TLK1: variants seen among roughly 807,000 people sequenced by gnomAD.
TLK1 encodes the protein tousled like kinase 1, also known as serine/threonine-protein kinase tousled-like 1.
In TLK1, 24 loss-of-function variants were observed where a neutral mutation model predicts 105.3. The observed-to-expected ratio is 0.23, with a 90% CI of 0.17 to 0.32. The LOEUF (loss-of-function observed/expected upper bound fraction) is 0.32. Among genes scored for constraint, TLK1 ranks in the 10% least tolerant of loss-of-function variants. The pLI, the probability that TLK1 is intolerant of heterozygous loss-of-function variation, is 1.00. For synonymous variants in TLK1, 321 were observed against 310.4 expected, an observed-to-expected ratio of 1.03 and a Z score of -0.36; for missense variants, 558 against 910.5, an observed-to-expected ratio of 0.61 and a Z score of 4.98.
At chr2:171,083,033 A>G (rs2105477730) in intron 2 of TLK1, among the ~76,000 whole-genome samples, 181 bp from the exon 3 acceptor site, 1 of 152,322 alleles carries the variant, frequency 6.6e-6, no homozygotes, top group South Asian at 2.1e-4. Flanking sequence ...TTAACACTAT[A>G]TACTTTGAAA....
chr2:171,114,438 G>A (rs572445015), intron 2 of TLK1, among the ~76,000 whole-genome samples: 1 of 152,320 alleles, frequency 6.6e-6, no homozygotes, highest in East Asian at 1.9e-4. Context: ...CCAGACTGTT[G>A]TCAGAGGGAG....
At position 170,992,235 on chromosome 2, in the gene TLK1, G is replaced by A. The variant is rs987727889; in HGVS notation, c.*1545C>T. The A allele has an allele frequency of 2.6e-5, 4 of 152,142 alleles. No individual in the cohort carries two copies. Among genetic ancestry groups the A allele is most frequent in the East Asian group, 1.9e-4 (1 of 5,200 alleles). 9.4% of individuals were successfully genotyped at this position (152,142 alleles called of 1,614,324 possible). A position where few individuals can be genotyped will look rare whatever the true frequency, so the allele number is the denominator to read the frequency against. ...TCTACAATTTCAGCAGCATTTTAAA[G>A]AGACAATGTGTCTATGTACAATGAA... On this transcript the variant is annotated 3_prime_UTR_variant, in exon 21 of 21. Transcript: ENST00000431350.
chr2:171,136,924 T>C (rs1007044210), intron 1 of TLK1, among the ~76,000 whole-genome samples: 59 of 152,212 alleles, frequency 3.9e-4, no homozygotes, highest in Admixed American at 3.6e-3. Context: ...TCAGTGTCCA[T>C]AGTAAGGTTT....
chr2:171,060,079 CA>C, intron 4 of TLK1: 1 of 1,558,428 alleles, frequency 6.4e-7, no homozygotes. Context: ...CAGACTAAAG[CA>C]AATATAAGTG....
At chr2:171,227,917 T>C (rs1693931878) in intron 1 of TLK1, among the ~76,000 whole-genome samples, 1 of 152,202 alleles carries the variant, frequency 6.6e-6, no homozygotes, top group South Asian at 2.1e-4. Flanking sequence ...GGCTCACACC[T>C]GTAATCCCAG....
At chr2:171,071,320 C>T (rs374663423) in intron 3 of TLK1, among the ~76,000 whole-genome samples, 3 of 151,792 alleles carry the variant, frequency 2.0e-5, no homozygotes, top group African/African-American at 7.3e-5. Flanking sequence ...TGGAGTCTCG[C>T]TCTGTCGCCC....
rs368625994 is a variant in TLK1, at chr2:171,121,374, A to T, written c.140-3517T>A. Among the ~76,000 whole-genome samples, 195 of 152,286 alleles carry T rather than the reference A, an allele frequency of 1.3e-3. 5 individuals are homozygous for T. The South Asian group carries it at 0.038, about 30-fold the overall frequency. On this transcript the variant is annotated intron_variant, in intron 1 of 20. Transcript: ENST00000431350. ...TGGCAAAACCCTGTCTCTACAAAAA[A>T]TACAAAAATTAGCTGGGTGTGGCAG...
rs1692962259 is a variant in TLK1, at chr2:171,183,303, A to G, written c.-6+47842T>C. 3.9e-5 allele frequency among the ~76,000 whole-genome samples: 6 copies of G among 152,200 alleles called. No homozygotes were observed. The South Asian group carries it at 1.2e-3, about 32-fold the overall frequency. On this transcript the variant is annotated intron_variant, in intron 1 of 20. Coordinates refer to the TLK1 transcript ENST00000521943. ...TGTGGGTGTTCCTCTCCATCCACAG[A>G]TAACTCTAAACTGGATAAGATATAT...
intron 6 of TLK1, 39 bp from the exon 7 acceptor site, chr2:171,055,211 A>AG: frequency 8.4e-7 from 1 of 1,189,540 alleles, no homozygotes; most frequent in East Asian, 3.0e-5. Context: ...AGCAAAAAAA[A>AG]AAAAAAAAAA....
intron 3 of TLK1, among the ~76,000 whole-genome samples, chr2:171,073,630 A>T (rs1688360013): frequency 6.6e-6 from 1 of 151,986 alleles, no homozygotes; most frequent in Admixed American, 6.6e-5. Context: ...TTCAAGCAGG[A>T]CTCACTTCCT....
intron 12 of TLK1, among the ~76,000 whole-genome samples, chr2:171,025,476 C>T (rs571115792): frequency 1.3e-5 from 2 of 152,288 alleles, no homozygotes; most frequent in African/African-American, 4.8e-5. Flanking sequence ...GAGAGTCACC[C>T]ATGCTAATGC....
At chr2:171,020,733 A>G (rs1490826518) in intron 12 of TLK1, among the ~76,000 whole-genome samples, 1 of 152,096 alleles carries the variant, frequency 6.6e-6, no homozygotes, top group African/African-American at 2.4e-5. Context: ...CAACCAACCA[A>G]CCAACCAACC....
At chr2:171,206,797 A>C (rs1273310142) in intron 1 of TLK1, among the ~76,000 whole-genome samples, 1 of 152,260 alleles carries the variant, frequency 6.6e-6, no homozygotes, top group African/African-American at 2.4e-5. Flanking sequence ...GCATATGAAA[A>C]GATGTTCAAC....
chr2:171,113,148 A>G (rs1397256763), intron 2 of TLK1, among the ~76,000 whole-genome samples: 1 of 152,220 alleles, frequency 6.6e-6, no homozygotes, highest in Non-Finnish European at 1.5e-5. Context: ...TAAAAAAGAC[A>G]TACCAAAATA....
chr2:171,080,075 T>TA (rs1382908382), intron 3 of TLK1, among the ~76,000 whole-genome samples: 1 of 151,590 alleles, frequency 6.6e-6, no homozygotes, highest in Non-Finnish European at 1.5e-5. Flanking sequence ...CTTACGCCTA[T>TA]AATCCCAGCT....
intron 18 of TLK1, among the ~76,000 whole-genome samples, chr2:171,004,107 C>T (rs1364593342): frequency 6.6e-6 from 1 of 152,078 alleles, no homozygotes; most frequent in African/African-American, 2.4e-5. Flanking sequence ...GGCATGGCCA[C>T]CATGCCCAGC....
chr2:170,998,447 G>C (rs568549873), intron 18 of TLK1, among the ~76,000 whole-genome samples: 1 of 152,098 alleles, frequency 6.6e-6, no homozygotes, highest in Admixed American at 6.5e-5. Flanking sequence ...ATCTCCACTC[G>C]GCTCTCCTTT....
chr2:171,163,426 T>C (rs558995732), upstream of TLK1, among the ~76,000 whole-genome samples: 33 of 152,352 alleles, frequency 2.2e-4, no homozygotes, highest in African/African-American at 7.7e-4. Flanking sequence ...GATAAATGTA[T>C]GCTCTTTCTG....
intron 1 of TLK1, among the ~76,000 whole-genome samples, chr2:171,147,819 G>A (rs1418796059): frequency 3.3e-5 from 5 of 152,132 alleles, no homozygotes; most frequent in Admixed American, 1.3e-4. Flanking sequence ...TGTATGAGAC[G>A]CAGTTATACC....
Sources: allele counts gnomAD v4.1 joint callset (sites outside exome capture counted in the v4.1 genomes callset), GRCh38; gene constraint gnomAD v4.1.1; transcripts MANE v1.5; gene names NCBI Gene and HGNC (gene_info 2026-07-23, HGNC 2026-07-21).